FXN: variants seen among roughly 807,000 people sequenced by gnomAD.
The protein encoded by FXN is frataxin.
A neutral mutation model predicts 22.4 loss-of-function variants in FXN; 14 were observed. The observed-to-expected ratio is 0.62, with a 90% CI of 0.41 to 0.98. The LOEUF (loss-of-function observed/expected upper bound fraction) is 0.98, where lower values mean the gene tolerates loss of function less well. Among genes scored for constraint, FXN ranks in the 50% least tolerant of loss-of-function variants. The probability of loss-of-function intolerance (pLI) is 0.00; values close to 1 mark genes in which losing one functional copy is unlikely to be tolerated. For synonymous variants in FXN, 120 were observed against 114.1 expected, an observed-to-expected ratio of 1.05 and a Z score of -0.33; for missense variants, 267 against 268.4, an observed-to-expected ratio of 0.99 and a Z score of 0.04.
In FXN at chr9:69,072,739, G is replaced by C. The variant is rs780954419; in HGVS notation, c.610G>C (p.Ala204Pro). The change falls in exon 5 of 5, where the codon GCC (alanine) becomes CCC (proline). Residue 204 changes from alanine (A) to proline (P), a missense_variant. By Grantham distance (27) the Ala-to-Pro change is conservative. Transcript: ENST00000484259. ...LKTKLDLSSL[A>P]YSGKDA The stretch of plus-strand genomic sequence containing the variant: ...AACCAAACTGGACTTGTCTTCCTTG[G>C]CCTATTCCGGAAAAGATGCTTGATG... The C allele has an allele frequency of 4.3e-6, 7 of 1,614,012 alleles. No homozygotes were observed. In the African/African-American group the frequency reaches 5.3e-5, roughly 12 times the overall value.
At position 69,035,920 on chromosome 9, in the gene FXN, C is replaced by G. The variant is rs565294240; in HGVS notation, c.138C>G (p.Ile46Met). ...GCCGCCGTGGCCTGCGCACCGACAT[C>G]GATGCGACCTGCACGCCCCGCCGCG... ...LCGRRGLRTD[I>M]DATCTPRRAS... is the part of the protein sequence containing the mutation. The change falls in exon 1 of 5, where the codon ATC (isoleucine) becomes ATG (methionine). Residue 46 changes from isoleucine (I) to methionine (M), a missense_variant. Physicochemically the swap from Ile to Met is conservative, Grantham distance 10 (BLOSUM62 1). Transcript: ENST00000484259. 6 of 1,484,202 alleles carry G rather than the reference C, an allele frequency of 4.0e-6. No homozygotes were observed. The African/African-American group carries it at 5.9e-5, about 14-fold the overall frequency. The allele number at this position is 1,484,202 out of a possible 1,614,324, so 91.9% of individuals were successfully genotyped here. A position where few individuals can be genotyped will look rare whatever the true frequency, so the allele number is the denominator to read the frequency against.
chr9:69,043,747 C>A (rs985193849), intron 1 of FXN, among the ~76,000 whole-genome samples: 3 of 152,194 alleles, frequency 2.0e-5, no homozygotes, highest in African/African-American at 4.8e-5. Context: ...TCACGCCTTG[C>A]TAATTTTTGT....
In FXN at chr9:69,074,042, G is replaced by A. The variant is rs17847102; in HGVS notation, c.*1280G>A. On this transcript the variant is annotated 3_prime_UTR_variant, in exon 5 of 5. Transcript: ENST00000484259. ...CTACTAAAAATACAAAAAATTAGCC[G>A]GGCATGATGGCAGGTGCCTGTAATC... 0.055 allele frequency: 17,810 copies of A among 325,422 alleles called. 633 individuals are homozygous for A. Among genetic ancestry groups the A allele is most frequent in the African/African-American group, 0.12 (5,477 of 44,398 alleles). The allele number at this position is 325,422 out of a possible 1,614,324, so 20.2% of individuals were successfully genotyped here. A position where few individuals can be genotyped will look rare whatever the true frequency, so the allele number is the denominator to read the frequency against.
rs989449698 is a variant in FXN, at chr9:69,037,628, C to T, written c.165+1681C>T. Among the ~76,000 whole-genome samples the T allele has an allele frequency of 4.6e-5, 7 of 152,310 alleles. No homozygotes were observed. In the East Asian group the frequency reaches 1.2e-3, roughly 25 times the overall value. On this transcript the variant is annotated intron_variant, in intron 1 of 4. Transcript: ENST00000484259. ...ATCTGAGCTGCCACGTATTGGGCTTCCACCCCTGCCTGTGTGGACAGCATG... is the reference window on the plus strand; with the variant it reads ...ATCTGAGCTGCCACGTATTGGGCTTTCACCCCTGCCTGTGTGGACAGCATG...
intron 4 of FXN, among the ~76,000 whole-genome samples, chr9:69,067,484 C>T (rs1348544355): frequency 6.6e-6 from 1 of 152,216 alleles, no homozygotes; most frequent in African/African-American, 2.4e-5. Flanking sequence ...AGGTTGTGGA[C>T]ATGCTGTGGC....
chr9:69,059,942 T>G (rs186785888), intron 3 of FXN, among the ~76,000 whole-genome samples: 53 of 152,120 alleles, frequency 3.5e-4, no homozygotes, highest in Middle Eastern at 3.4e-3. Context: ...ATGAAGGAGG[T>G]CATATGTATG....
intron 4 of FXN, among the ~76,000 whole-genome samples, chr9:69,071,498 A>G (rs141535611): frequency 3.3e-5 from 5 of 152,260 alleles, no homozygotes; most frequent in African/African-American, 4.8e-5. Context: ...CACTAGTGTT[A>G]TCTGCTGCCG....
chr9:69,074,281 A>G lies in FXN; in HGVS notation c.*1519A>G. 1 of 984,856 alleles carries G rather than the reference A, an allele frequency of 1.0e-6. No homozygotes were observed. 61.0% of individuals were successfully genotyped at this position (984,856 alleles called of 1,614,324 possible). The stretch of plus-strand genomic sequence containing the variant: ...ACCACATTACCTCATTTTAATTTTT[A>G]CTGACCTGCACTTTATACAAAGCAA... On this transcript the variant is annotated 3_prime_UTR_variant, in exon 5 of 5. Coordinates refer to ENST00000484259, the MANE Select transcript of FXN (RefSeq NM_000144.5).
intron 1 of FXN, among the ~76,000 whole-genome samples, chr9:69,045,726 C>T (rs1297652717): frequency 6.6e-6 from 1 of 152,122 alleles, no homozygotes; most frequent in Non-Finnish European, 1.5e-5. Context: ...GAATTTACTC[C>T]GAAACTAGCT....
At chr9:69,055,819 T>C (rs1010291015) in intron 3 of FXN, among the ~76,000 whole-genome samples, 1 of 151,582 alleles carries the variant, frequency 6.6e-6, no homozygotes, top group African/African-American at 2.4e-5. Context: ...TTTACTTCTA[T>C]TGAACTGAAA....
intron 4 of FXN, among the ~76,000 whole-genome samples, chr9:69,067,034 A>AT (rs1301502044): frequency 6.6e-6 from 1 of 152,104 alleles, no homozygotes; most frequent in African/African-American, 2.4e-5. Flanking sequence ...CCACCGCCGG[A>AT]TGGGAGTCGG....
rs199965660 is a variant in FXN, at chr9:69,040,678, AT to A, written c.165+4732del. Among the ~76,000 whole-genome samples the A allele has an allele frequency of 2.5e-3, 384 of 151,572 alleles. 5 individuals carry two copies. The highest frequency in any genetic ancestry group is 7.5e-3 in the African/African-American group (311 of 41,404). Reference sequence around the variant, plus strand: ...GCGAGACTGCATCTCAAAGAAAAAAATAAATAAATAAATAAATATTTATACT... The same window carrying A: ...GCGAGACTGCATCTCAAAGAAAAAAAAAATAAATAAATAAATATTTATACT... On this transcript the variant is annotated intron_variant, in intron 1 of 4. Transcript: ENST00000484259.
intron 1 of FXN, among the ~76,000 whole-genome samples, chr9:69,040,975 G>A (rs1205169779): frequency 2.6e-5 from 4 of 152,184 alleles, no homozygotes; most frequent in African/African-American, 9.7e-5. Flanking sequence ...CACCCTCCAG[G>A]ACTCTAAGAA....
chr9:69,063,082 C>T (rs1046577385), intron 3 of FXN, among the ~76,000 whole-genome samples: 10 of 152,048 alleles, frequency 6.6e-5, no homozygotes, highest in African/African-American at 2.2e-4. Context: ...GTAGTCCCAG[C>T]TCTCTGGAGG....
chr9:69,053,973 A>T lies in FXN; in HGVS notation c.384+713A>T, dbSNP rs1242701610. Among the ~76,000 whole-genome samples, 4 of 152,194 alleles carry T rather than the reference A, an allele frequency of 2.6e-5. No homozygotes were observed. In the East Asian group the frequency reaches 7.7e-4, roughly 29 times the overall value. ...CCTGGGCAGGGCACTGGGATTTTTAAGCTCCACAGATGATTCCAATATGCA... is the reference window on the plus strand; with the variant it reads ...CCTGGGCAGGGCACTGGGATTTTTATGCTCCACAGATGATTCCAATATGCA... On this transcript the variant is annotated intron_variant, in intron 3 of 4. Coordinates refer to ENST00000484259, the MANE Select transcript of FXN (RefSeq NM_000144.5).
intron 3 of FXN, among the ~76,000 whole-genome samples, chr9:69,055,960 T>C (rs1168447128): frequency 6.6e-6 from 1 of 152,172 alleles, no homozygotes. Context: ...CATAGCTCAC[T>C]GCAGCCTCAA....
At position 69,066,867 on chromosome 9, in the gene FXN, A is replaced by ATAT. The variant is rs540231506; in HGVS notation, c.482+1832_482+1833insTAT. On this transcript the variant is annotated intron_variant, in intron 4 of 4. Coordinates refer to ENST00000484259, the MANE Select transcript of FXN (RefSeq NM_000144.5). ...CAGATACTATCTTCCTCAAAAAAAA[A>ATAT]AAATATATATATATATATGGGGGAC... is the stretch of plus-strand genomic sequence containing the variant. Among the ~76,000 whole-genome samples the ATAT allele has an allele frequency of 9.0e-3, 996 of 110,180 alleles. 10 individuals carry two copies. Among genetic ancestry groups the ATAT allele is most frequent in the East Asian group, 0.021 (85 of 4,112 alleles). The allele number at this position is 110,180 out of a possible 152,430, so 72.3% of individuals were successfully genotyped here.
intron 1 of FXN, among the ~76,000 whole-genome samples, chr9:69,043,199 T>A (rs903170370): frequency 1.3e-5 from 2 of 152,322 alleles, no homozygotes; most frequent in South Asian, 4.1e-4. Flanking sequence ...ATTTCAGCTG[T>A]CATAGTGTAA....
intron 1 of FXN, among the ~76,000 whole-genome samples, chr9:69,038,503 T>C (rs771917961): frequency 3.0e-4 from 45 of 152,238 alleles, no homozygotes; most frequent in Non-Finnish European, 4.3e-4. Flanking sequence ...CAAAATATTA[T>C]CATTCCAACA....
Sources: gnomAD v4.1 joint callset for allele counts (sites outside exome capture counted in the v4.1 genomes callset) on GRCh38, gnomAD v4.1.1 for gene constraint, MANE v1.5 for transcripts, NCBI Gene and HGNC (gene_info 2026-07-23, HGNC 2026-07-21) for gene names.